Variants in HS3ST2 observed in about 807,000 individuals in gnomAD.
The protein encoded by HS3ST2 is heparan sulfate glucosamine 3-O-sulfotransferase 2.
In HS3ST2, 17 loss-of-function variants were observed where a neutral mutation model predicts 26.3. The observed-to-expected ratio is 0.65, with a 90% CI of 0.44 to 0.97. The LOEUF is 0.97. Among genes scored for constraint, HS3ST2 ranks in the 50% least tolerant of loss-of-function variants. HS3ST2 has a pLI of 0.00. For synonymous variants in HS3ST2, 237 were observed against 219.2 expected (o/e 1.08, Z -0.72); for missense variants, 402 against 501.2 (o/e 0.80, Z 1.89).
At chr16:22,895,281 G>C (rs1383278017) in intron 1 of HS3ST2, among the ~76,000 whole-genome samples, 1 of 151,960 alleles carries the variant, frequency 6.6e-6, no homozygotes, top group Non-Finnish European at 1.5e-5. Flanking sequence ...GTAGAGACAG[G>C]GTTTCGCCAT....
chr16:22,888,361 T>C (rs1721111496), intron 1 of HS3ST2, among the ~76,000 whole-genome samples: 1 of 149,000 alleles, frequency 6.7e-6, no homozygotes, highest in African/African-American at 2.5e-5. Flanking sequence ...TTCAAGAATG[T>C]CTCTGGCTTT....
At chr16:22,884,143 G>C (rs1902028901) in intron 1 of HS3ST2, among the ~76,000 whole-genome samples, 1 of 152,220 alleles carries the variant, frequency 6.6e-6, no homozygotes, top group Non-Finnish European at 1.5e-5. Flanking sequence ...TTGTAAATAT[G>C]AATTTTGACA....
At chr16:22,907,193 G>A (rs1202393493) in intron 1 of HS3ST2, among the ~76,000 whole-genome samples, 2 of 152,164 alleles carry the variant, frequency 1.3e-5, no homozygotes, top group Non-Finnish European at 2.9e-5. Flanking sequence ...TTCATGTTTG[G>A]GGAGAGGATT....
At chr16:22,830,171 T>G (rs2283524) in intron 1 of HS3ST2, among the ~76,000 whole-genome samples, 19,298 of 150,388 alleles carry the variant, frequency 0.13, 1,325 homozygotes, top group South Asian at 0.22. Context: ...GGATAGAAGC[T>G]CTCTGCAACT....
chr16:22,889,798 C>A (rs1467353554), intron 1 of HS3ST2, among the ~76,000 whole-genome samples: 2 of 152,132 alleles, frequency 1.3e-5, no homozygotes, highest in African/African-American at 2.4e-5. Flanking sequence ...TGGGGACTAC[C>A]CTTTACACAT....
At chr16:22,864,497 G>A (rs562164229) in intron 1 of HS3ST2, among the ~76,000 whole-genome samples, 1 of 152,246 alleles carries the variant, frequency 6.6e-6, no homozygotes, top group East Asian at 1.9e-4. Context: ...TGTAGCTTGA[G>A]CCAAGTGTGT....
chr16:22,817,720 G>A (rs372587151), intron 1 of HS3ST2, among the ~76,000 whole-genome samples: 4 of 152,312 alleles, frequency 2.6e-5, no homozygotes, highest in East Asian at 3.9e-4. Context: ...AAGAACCCTT[G>A]CACCCATTGG....
chr16:22,850,400 T>TAACA (rs1901501239), intron 1 of HS3ST2, among the ~76,000 whole-genome samples: 1 of 152,368 alleles, frequency 6.6e-6, no homozygotes, highest in African/African-American at 2.4e-5. Context: ...TATTGGTATA[T>TAACA]AACAAACAAC....
chr16:22,853,243 A>G (rs1329412274), intron 1 of HS3ST2, among the ~76,000 whole-genome samples: 1 of 152,058 alleles, frequency 6.6e-6, no homozygotes, highest in Non-Finnish European at 1.5e-5. Flanking sequence ...CCTATCACCA[A>G]AGATTAATTT....
At chr16:22,901,077 T>C (rs2141204445) in intron 1 of HS3ST2, among the ~76,000 whole-genome samples, 1 of 152,238 alleles carries the variant, frequency 6.6e-6, no homozygotes, top group Admixed American at 6.5e-5. Flanking sequence ...GCATTACACT[T>C]TATACGGGAC....
chr16:22,899,088 T>C (rs935903542), intron 1 of HS3ST2, among the ~76,000 whole-genome samples: 2 of 152,206 alleles, frequency 1.3e-5, no homozygotes, highest in African/African-American at 4.8e-5. Context: ...GAGACTGAAG[T>C]GTGAAGTTGT....
At position 22,854,269 on chromosome 16, in the gene HS3ST2, T is replaced by G. The variant is rs750076362; in HGVS notation, c.485+39174T>G. 2.6e-5 allele frequency among the ~76,000 whole-genome samples: 4 copies of G among 152,204 alleles called. No individual in the cohort carries two copies. The East Asian group carries it at 7.7e-4, about 29-fold the overall frequency. ...CCAGGCTGACTTTATCCTTTATAAG[T>G]AGGCTTTTCCCTGAGTATTTATAGA... On this transcript the variant is annotated intron_variant, in intron 1 of 1. Transcript: ENST00000261374.
intron 1 of HS3ST2, among the ~76,000 whole-genome samples, chr16:22,839,730 G>C (rs948756125): frequency 6.6e-6 from 1 of 151,808 alleles, no homozygotes; most frequent in Non-Finnish European, 1.5e-5. Context: ...TCTTGGACGC[G>C]TCTTACCCTC....
intron 1 of HS3ST2, among the ~76,000 whole-genome samples, chr16:22,892,265 G>C (rs532211349): frequency 2.0e-5 from 3 of 151,612 alleles, no homozygotes; most frequent in Admixed American, 2.0e-4. Context: ...ACTTCAGCCT[G>C]GGTGACAGAG....
intron 1 of HS3ST2, among the ~76,000 whole-genome samples, chr16:22,892,191 G>A (rs1420941193): frequency 6.6e-6 from 1 of 151,572 alleles, no homozygotes; most frequent in Non-Finnish European, 1.5e-5. Flanking sequence ...TCAGGAGGCT[G>A]AGGCAGGAGA....
Position 22,814,862 on chromosome 16 carries a change from C to T in HS3ST2, c.252C>T (p.Ser84=), listed in dbSNP as rs1900836467. ...CCGGGCCGACGCCCAGCGAGCCCAG[C>T]GCTCCCAGCGCGCCCGCCGCCGCCG... ...DPSGPTPSEP[S]APSAPAAAVP... Residue 84 remains serine (S), a synonymous_variant, in exon 1 of 2, where the codon AGC becomes AGT. Coordinates refer to ENST00000261374, the MANE Select transcript of HS3ST2 (RefSeq NM_006043.2). The T allele has an allele frequency of 1.3e-6, 2 of 1,559,266 alleles. No individual in the cohort carries two copies. The highest frequency in any genetic ancestry group is 2.4e-5 in the East Asian group (1 of 41,496).
intron 1 of HS3ST2, among the ~76,000 whole-genome samples, chr16:22,870,469 CG>C: frequency 6.6e-6 from 1 of 152,284 alleles, no homozygotes; most frequent in African/African-American, 2.4e-5. Context: ...AGTCGAATCA[CG>C]TCGCTCCTCT....
At chr16:22,881,758 G>A (rs927614753) in intron 1 of HS3ST2, among the ~76,000 whole-genome samples, 1 of 152,194 alleles carries the variant, frequency 6.6e-6, no homozygotes. Context: ...TTCTGGGCAA[G>A]TTTCACAAGG....
In HS3ST2 at chr16:22,814,582, C is replaced by A. The variant is rs1448960387; in HGVS notation, c.-29C>A. 3 of 1,498,664 alleles carry A rather than the reference C, an allele frequency of 2.0e-6. No homozygotes were observed. The highest frequency in any genetic ancestry group is 5.2e-5 in the East Asian group (2 of 38,508). The allele number at this position is 1,498,664 out of a possible 1,614,324, so 92.8% of individuals were successfully genotyped here. On this transcript the variant is annotated 5_prime_UTR_variant, in exon 1 of 2. Coordinates refer to ENST00000261374, the MANE Select transcript of HS3ST2 (RefSeq NM_006043.2). ...CAGCCGCCGGTGCCCCCTCGGAAACCATGACCCCCGGCGCGGGCCCATGGA... is the reference window on the plus strand; with the variant it reads ...CAGCCGCCGGTGCCCCCTCGGAAACAATGACCCCCGGCGCGGGCCCATGGA...
Sources: allele counts gnomAD v4.1 joint callset (sites outside exome capture counted in the v4.1 genomes callset), GRCh38; gene constraint gnomAD v4.1.1; transcripts MANE v1.5; gene names NCBI Gene and HGNC (gene_info 2026-07-23, HGNC 2026-07-21).